CCBE1: variants seen among roughly 807,000 people sequenced by gnomAD.
CCBE1 encodes collagen and calcium-binding EGF domain-containing protein 1.
In CCBE1, 37 loss-of-function variants were observed where a neutral mutation model predicts 50.0. The observed-to-expected ratio is 0.74, with a 90% CI of 0.57 to 0.97. The LOEUF (loss-of-function observed/expected upper bound fraction) is 0.97, where lower values mean the gene tolerates loss of function less well. Ranked by LOEUF, CCBE1 falls within the 50% of genes least tolerant of loss-of-function variation. The pLI is 0.00. For synonymous variants in CCBE1, 234 were observed against 203.7 expected, an observed-to-expected ratio of 1.15 and a Z score of -1.27; for missense variants, 538 against 523.8, an observed-to-expected ratio of 1.03 and a Z score of -0.26.
chr18:59,435,948 T>G lies in CCBE1; in HGVS notation c.1181A>C (p.Glu394Ala), dbSNP rs1417476400. ...TCTGGGGGCTCTCAAGTCTCTTGTC[T>G]CAGTTCTTCTTGGATGGTCATCTCC... ...GSGDDHPRRT[E>A]TRDLRAPRDF... The change falls in exon 11 of 11, where the codon GAG (glutamate) becomes GCG (alanine). Residue 394 changes from glutamate (E) to alanine (A), a missense_variant. Coordinates refer to ENST00000439986, the MANE Select transcript of CCBE1 (RefSeq NM_133459.4). The G allele has an allele frequency of 7.4e-6, 12 of 1,614,180 alleles. No homozygotes were observed. The highest frequency in any genetic ancestry group is 1.3e-5 in the African/African-American group (1 of 75,038).
intron 2 of CCBE1, among the ~76,000 whole-genome samples, chr18:59,574,781 G>C (rs1372474979): frequency 6.6e-6 from 1 of 152,044 alleles, no homozygotes; most frequent in African/African-American, 2.4e-5. Flanking sequence ...TATACCTCTA[G>C]GTAGATGACT....
rs146014486 is a variant in CCBE1, at chr18:59,637,213, A to G, written c.212+59416T>C. Reference sequence around the variant, plus strand: ...TTCACTTTATCTTATGACAAACAACATGATCTTAATTTTTCATGATCTTTA... The same window carrying G: ...TTCACTTTATCTTATGACAAACAACGTGATCTTAATTTTTCATGATCTTTA... On this transcript the variant is annotated intron_variant, in intron 2 of 10. Transcript: ENST00000439986. 6.7e-3 allele frequency among the ~76,000 whole-genome samples: 1,027 copies of G among 152,310 alleles called. 6 individuals carry two copies. Among genetic ancestry groups the G allele is most frequent in the African/African-American group, 0.023 (938 of 41,572 alleles).
intron 6 of CCBE1, among the ~76,000 whole-genome samples, chr18:59,453,711 T>C (rs537193791): frequency 2.5e-4 from 38 of 152,250 alleles, no homozygotes; most frequent in African/African-American, 8.9e-4. Flanking sequence ...ACAGGGAAGA[T>C]ACACCTCTCT....
intron 2 of CCBE1, among the ~76,000 whole-genome samples, chr18:59,547,071 G>T (rs1262609540): frequency 7.6e-5 from 5 of 65,410 alleles, no homozygotes; most frequent in Non-Finnish European, 1.4e-4. Context: ...GGGGGAGAGA[G>T]GGGGAGAGAA....
Position 59,697,387 on chromosome 18 carries a change from C to G in CCBE1, c.-45G>C. On this transcript the variant is annotated 5_prime_UTR_variant, in exon 1 of 11. Transcript: ENST00000439986. ...TTCCCAGCGCCGAGCTCCGTCCGGA[C>G]CAAGCGTCCTGCTCCTCCGCGGCCG... The G allele has an allele frequency of 6.5e-7, 1 of 1,534,568 alleles. No individual in the cohort carries two copies. The highest frequency in any genetic ancestry group is 1.2e-5 in the South Asian group (1 of 83,488).
Position 59,536,188 on chromosome 18 carries a change from G to A in CCBE1, c.213-55950C>T, listed in dbSNP as rs572212267. On this transcript the variant is annotated intron_variant, in intron 2 of 10. Transcript: ENST00000439986. Reference sequence around the variant, plus strand: ...CTCAATTCTAGCTCTTACTAATAGTGAAACTTTGATCAAATCGATCTTTAT... The same window carrying A: ...CTCAATTCTAGCTCTTACTAATAGTAAAACTTTGATCAAATCGATCTTTAT... Among the ~76,000 whole-genome samples, 5 of 152,326 alleles carry A rather than the reference G, an allele frequency of 3.3e-5. No homozygotes were observed. The South Asian group carries it at 1.0e-3, about 32-fold the overall frequency.
chr18:59,623,214 T>C (rs1018470357), intron 2 of CCBE1, among the ~76,000 whole-genome samples: 1 of 152,180 alleles, frequency 6.6e-6, no homozygotes, highest in Admixed American at 6.5e-5. Flanking sequence ...TTAAAAAATG[T>C]AGGAATTAAG....
chr18:59,520,593 G>GT (rs1402538242), intron 2 of CCBE1, among the ~76,000 whole-genome samples: 2 of 152,258 alleles, frequency 1.3e-5, no homozygotes, highest in Non-Finnish European at 2.9e-5. Context: ...ACGTGTTGCA[G>GT]TTTTACATGC....
In CCBE1 at chr18:59,435,980, C is replaced by T. The variant is rs754039354; in HGVS notation, c.1149G>A (p.Leu383=). The T allele has an allele frequency of 2.5e-6, 4 of 1,614,114 alleles. No homozygotes were observed. The highest frequency in any genetic ancestry group is 3.4e-6 in the Non-Finnish European group (4 of 1,180,030). The change falls in exon 11 of 11, where the codon CTG becomes CTA. Residue 383 remains leucine, a synonymous_variant. Coordinates refer to ENST00000439986, the MANE Select transcript of CCBE1 (RefSeq NM_133459.4). ...EFPSYPEAMD[L]GSGDDHPRRT... ...TTCTTGGATGGTCATCTCCAGAGCCCAGGTCCATGGCTTCTGGGTAGCTGG... is the reference window on the plus strand; with the variant it reads ...TTCTTGGATGGTCATCTCCAGAGCCTAGGTCCATGGCTTCTGGGTAGCTGG...
At chr18:59,689,667 T>G (rs1248565037) in intron 2 of CCBE1, among the ~76,000 whole-genome samples, 2 of 152,242 alleles carry the variant, frequency 1.3e-5, no homozygotes, top group Non-Finnish European at 2.9e-5. Context: ...AAAACTCTGC[T>G]TACAGTCACT....
chr18:59,466,894 G>C lies in CCBE1; in HGVS notation c.401-3C>G, dbSNP rs781588746. The C allele has an allele frequency of 3.7e-6, 6 of 1,611,418 alleles. No individual in the cohort carries two copies. The highest frequency in any genetic ancestry group is 5.1e-6 in the Non-Finnish European group (6 of 1,178,360). ...GCTGCTGGCACACTCATCAATATCTGGTTTGAACCAAATGTAGAGAATACT... is the reference window on the plus strand; with the variant it reads ...GCTGCTGGCACACTCATCAATATCTCGTTTGAACCAAATGTAGAGAATACT... On this transcript the variant is annotated splice_polypyrimidine_tract_variant and splice_region_variant and intron_variant, in intron 4 of 10. Transcript: ENST00000439986.
intron 2 of CCBE1, among the ~76,000 whole-genome samples, chr18:59,587,491 C>T (rs371434659): frequency 5.9e-5 from 9 of 152,122 alleles, no homozygotes; most frequent in Admixed American, 3.9e-4. Context: ...ATTTTAATCC[C>T]GTTATATTAG....
At chr18:59,644,350 A>G (rs1350979936) in intron 2 of CCBE1, among the ~76,000 whole-genome samples, 1 of 152,104 alleles carries the variant, frequency 6.6e-6, no homozygotes, top group Non-Finnish European at 1.5e-5. Flanking sequence ...ATGGAACACA[A>G]TTTGAGATAC....
intron 2 of CCBE1, among the ~76,000 whole-genome samples, chr18:59,682,205 T>C (rs533943582): frequency 6.6e-6 from 1 of 152,212 alleles, no homozygotes; most frequent in African/African-American, 2.4e-5. Flanking sequence ...CTACTAAAAA[T>C]ACAAATATTA....
intron 2 of CCBE1, among the ~76,000 whole-genome samples, chr18:59,633,154 G>A (rs1334854874): frequency 6.6e-6 from 1 of 152,164 alleles, no homozygotes; most frequent in African/African-American, 2.4e-5. Context: ...ATCAGCTGTG[G>A]TGATGAATGT....
intron 10 of CCBE1, 140 bp downstream of exon 10, chr18:59,437,971 T>A: frequency 4.3e-6 from 3 of 704,928 alleles, no homozygotes; most frequent in Non-Finnish European, 7.3e-6. Flanking sequence ...ACTCTCTTCC[T>A]AACCACAGAG....
chr18:59,467,525 C>T, intron 4 of CCBE1, among the ~76,000 whole-genome samples: 1 of 152,200 alleles, frequency 6.6e-6, no homozygotes, highest in East Asian at 1.9e-4. Context: ...ACAGACCCCT[C>T]ATGAGCTGTG....
intron 2 of CCBE1, among the ~76,000 whole-genome samples, chr18:59,526,539 G>A (rs1914829466): frequency 6.6e-6 from 1 of 152,128 alleles, no homozygotes; most frequent in Non-Finnish European, 1.5e-5. Context: ...TCGAACTCCT[G>A]ACCTCGTGAT....
chr18:59,542,567 A>C (rs888153798), intron 2 of CCBE1, among the ~76,000 whole-genome samples: 3 of 152,242 alleles, frequency 2.0e-5, no homozygotes, highest in Non-Finnish European at 4.4e-5. Flanking sequence ...AGTCATCCTT[A>C]ATGTTCTATT....
Sources: gnomAD v4.1 joint callset for allele counts (sites outside exome capture counted in the v4.1 genomes callset) on GRCh38, gnomAD v4.1.1 for gene constraint, MANE v1.5 for transcripts, NCBI Gene and HGNC (gene_info 2026-07-23, HGNC 2026-07-21) for gene names.